The following ITGA8 variants were observed in gnomAD, a reference collection of about 807,000 sequenced individuals.
ITGA8 encodes integrin subunit alpha 8.
ITGA8 carries 91 observed loss-of-function variants against 142.3 expected under a neutral mutation model. That is an observed-to-expected ratio of 0.64 (90% CI 0.54 to 0.76). The LOEUF is 0.76. Among genes scored for constraint, ITGA8 ranks in the 30% least tolerant of loss-of-function variants. The pLI is 0.00. For synonymous variants in ITGA8, 505 were observed against 485.2 expected (o/e 1.04, Z -0.54); for missense variants, 1,406 against 1,327.7 (o/e 1.06, Z -0.92).
intron 11 of ITGA8, among the ~76,000 whole-genome samples, chr10:15,651,547 G>A (rs1301722651): frequency 6.7e-6 from 1 of 149,840 alleles, no homozygotes; most frequent in South Asian, 2.1e-4. Context: ...TTTTTTTCGT[G>A]ATGTTGAGAT....
intron 27 of ITGA8, among the ~76,000 whole-genome samples, chr10:15,545,433 G>T (rs1461577562): frequency 6.6e-6 from 1 of 151,994 alleles, no homozygotes; most frequent in Non-Finnish European, 1.5e-5. Context: ...TTTCAATATT[G>T]CCCTTTCAAA....
At position 15,517,506 on chromosome 10, in the gene ITGA8, G is replaced by A. The variant is rs571714193; in HGVS notation, c.3106-262C>T. Among the ~76,000 whole-genome samples the A allele has an allele frequency of 3.1e-3, 465 of 152,090 alleles. 3 individuals are homozygous for A. Among genetic ancestry groups the A allele is most frequent in the African/African-American group, 0.011 (452 of 41,480 alleles). On this transcript the variant is annotated intron_variant, in intron 29 of 29. Transcript: ENST00000378076. ...ACCCAGCTAATTTTTGTATTTGTAG[G>A]AGAGATGGGGTTTTGCCATGTTGGC...
chr10:15,621,987 G>A lies in ITGA8; in HGVS notation c.1400-5428C>T, dbSNP rs189121085. 5.9e-5 allele frequency among the ~76,000 whole-genome samples: 9 copies of A among 152,186 alleles called. No homozygotes were observed. In the East Asian group the frequency reaches 1.4e-3, roughly 23 times the overall value. ...AGCCTGGCCAATGTGGTGAAAACCC[G>A]TCTCTACTGAAAATACAGAAATTAG... is the stretch of plus-strand genomic sequence containing the variant. On this transcript the variant is annotated intron_variant, in intron 13 of 29. Coordinates refer to ENST00000378076, the MANE Select transcript of ITGA8 (RefSeq NM_003638.3).
chr10:15,652,502 T>G (rs762538392), intron 11 of ITGA8, among the ~76,000 whole-genome samples: 1 of 151,988 alleles, frequency 6.6e-6, no homozygotes, highest in Non-Finnish European at 1.5e-5. Context: ...AGAAACCTTG[T>G]TTTTGTAAGC....
intron 8 of ITGA8, among the ~76,000 whole-genome samples, chr10:15,666,946 C>T (rs1456956653): frequency 3.3e-5 from 5 of 152,208 alleles, no homozygotes; most frequent in East Asian, 1.9e-4. Context: ...ATTTTTGCAT[C>T]GATGTTCATC....
Position 15,575,473 on chromosome 10 carries a change from C to T in ITGA8, c.2478+16G>A. ...GAATAAACCCCTAACACAACTTTAA[C>T]ACAGACAATGGCTACCTCATAAATA... is the stretch of plus-strand genomic sequence containing the variant. On this transcript the variant is annotated intron_variant, in intron 24 of 29. Transcript: ENST00000378076. 4.5e-6 allele frequency: 7 copies of T among 1,572,270 alleles called. No individual in the cohort carries two copies. The highest frequency in any genetic ancestry group is 6.1e-6 in the Non-Finnish European group (7 of 1,141,930).
chr10:15,678,898 C>A, intron 4 of ITGA8, 115 bp from the exon 5 acceptor site: 2 of 574,038 alleles, frequency 3.5e-6, no homozygotes, highest in South Asian at 2.9e-5. Context: ...TAAAAATGAT[C>A]AATATGTGTT....
At chr10:15,610,471 T>C (rs759049148) in intron 15 of ITGA8, among the ~76,000 whole-genome samples, 1 of 147,554 alleles carries the variant, frequency 6.8e-6, no homozygotes, top group Non-Finnish European at 1.5e-5. Context: ...ATTTTCAGTA[T>C]GGCCCATTAG....
chr10:15,664,977 G>T (rs1210897797), intron 8 of ITGA8, among the ~76,000 whole-genome samples: 1 of 152,056 alleles, frequency 6.6e-6, no homozygotes. Flanking sequence ...AATAAACATA[G>T]GTGTGCATGT....
chr10:15,707,518 T>A (rs902031652), intron 2 of ITGA8, among the ~76,000 whole-genome samples: 6 of 152,206 alleles, frequency 3.9e-5, no homozygotes, highest in Non-Finnish European at 7.4e-5. Flanking sequence ...AGACTTTGGA[T>A]GCCAGAACTA....
chr10:15,531,950 A>T (rs1345006857), intron 27 of ITGA8, among the ~76,000 whole-genome samples: 2 of 151,784 alleles, frequency 1.3e-5, no homozygotes, highest in African/African-American at 4.8e-5. Context: ...TGTCTCAAAA[A>T]GAAAAAAAAA....
chr10:15,588,876 A>C (rs1160500908), intron 22 of ITGA8, among the ~76,000 whole-genome samples: 1 of 152,174 alleles, frequency 6.6e-6, no homozygotes, highest in Non-Finnish European at 1.5e-5. Flanking sequence ...CTGAGTCCAG[A>C]CCTTCTGGTC....
At chr10:15,585,282 T>C (rs983497469) in intron 23 of ITGA8, among the ~76,000 whole-genome samples, 1 of 152,230 alleles carries the variant, frequency 6.6e-6, no homozygotes, top group East Asian at 1.9e-4. Context: ...ATTTACATTC[T>C]GGCATTTTCT....
intron 27 of ITGA8, among the ~76,000 whole-genome samples, chr10:15,546,997 C>G (rs1283790476): frequency 1.3e-5 from 2 of 151,800 alleles, no homozygotes; most frequent in Non-Finnish European, 2.9e-5. Flanking sequence ...CATATTAAAT[C>G]ATAGAAAACA....
In ITGA8 at chr10:15,686,141, A is replaced by G. The variant is rs144236898; in HGVS notation, c.444+1797T>C. Among the ~76,000 whole-genome samples the G allele has an allele frequency of 2.8e-3, 434 of 152,344 alleles. 2 individuals carry two copies. The highest frequency in any genetic ancestry group is 9.8e-3 in the African/African-American group (409 of 41,582). Reference sequence around the variant, plus strand: ...TCCAGAGAAGTGAAAAAAGATTCCAATTTGAAAGTAGTCTATGCTTCCAAA... The same window carrying G: ...TCCAGAGAAGTGAAAAAAGATTCCAGTTTGAAAGTAGTCTATGCTTCCAAA... On this transcript the variant is annotated intron_variant, in intron 3 of 29. Coordinates refer to ENST00000378076, the MANE Select transcript of ITGA8 (RefSeq NM_003638.3).
At chr10:15,692,138 G>T (rs1244673276) in intron 2 of ITGA8, among the ~76,000 whole-genome samples, 1 of 151,760 alleles carries the variant, frequency 6.6e-6, no homozygotes, top group Non-Finnish European at 1.5e-5. Flanking sequence ...TTGCTATGTT[G>T]CCCAGGCTGG....
At chr10:15,544,426 C>T (rs57484819) in intron 27 of ITGA8, among the ~76,000 whole-genome samples, 8,368 of 152,172 alleles carry the variant, frequency 0.055, 735 homozygotes, top group African/African-American at 0.19. Flanking sequence ...CCTGCTGACA[C>T]GTTGGTTTCA....
At chr10:15,632,706 T>C (rs1295414648) in intron 13 of ITGA8, among the ~76,000 whole-genome samples, 2 of 152,080 alleles carry the variant, frequency 1.3e-5, no homozygotes, top group African/African-American at 4.8e-5. Context: ...CCATGGAAAT[T>C]GGTAAGTGGT....
rs1345936366 is a variant in ITGA8 at position 15,515,387 on chromosome 10, G to C, written c.*1771C>G. 1 of 152,186 alleles carries C rather than the reference G, an allele frequency of 6.6e-6. No homozygotes were observed. Among genetic ancestry groups the C allele is most frequent in the Admixed American group, 6.5e-5 (1 of 15,276 alleles). 9.4% of individuals were successfully genotyped at this position (152,186 alleles called of 1,614,324 possible). On this transcript the variant is annotated 3_prime_UTR_variant, in exon 30 of 30. Coordinates refer to ENST00000378076, the MANE Select transcript of ITGA8 (RefSeq NM_003638.3). ...GAACATGAACTGCACCAGCGTGCTC[G>C]TCCATGTGCCTTTCATTTGCTCCTC...
Sources: gnomAD v4.1 joint callset for allele counts (sites outside exome capture counted in the v4.1 genomes callset) on GRCh38, gnomAD v4.1.1 for gene constraint, MANE v1.5 for transcripts, NCBI Gene and HGNC (gene_info 2026-07-23, HGNC 2026-07-21) for gene names.